DMKN: variants seen among roughly 807,000 people sequenced by gnomAD.
DMKN encodes dermokine, also known as epidermis-specific secreted protein SK30/SK89.
In DMKN, 58 loss-of-function variants were observed where a neutral mutation model predicts 67.6. The ratio of observed to expected loss-of-function variants is 0.86; its 90% CI spans 0.69 to 1.07. The LOEUF (loss-of-function observed/expected upper bound fraction) is 1.07, where lower values mean the gene tolerates loss of function less well. DMKN is among the 50% of genes least tolerant of loss of function. The probability of loss-of-function intolerance (pLI) is 0.00; values close to 1 mark genes in which losing one functional copy is unlikely to be tolerated. For synonymous variants in DMKN, 240 were observed against 232.3 expected (o/e 1.03, Z -0.30); for missense variants, 596 against 601.5 (o/e 0.99, Z 0.10).
chr19:35,505,726 T>A lies in DMKN; in HGVS notation c.1126A>T (p.Ile376Leu), dbSNP rs2069345187. The A allele has an allele frequency of 6.2e-7, 1 of 1,614,100 alleles. No homozygotes were observed. Among genetic ancestry groups the A allele is most frequent in the Admixed American group, 1.7e-5 (1 of 60,000 alleles). Residue 376 changes from isoleucine to leucine, a missense_variant, in exon 9 of 16, where the codon ATA becomes TTA. By Grantham distance (5) the Ile-to-Leu change is conservative (BLOSUM62 2). Transcript: ENST00000339686. ...AGATGTCCAGCCCTTACCTTGTTTA[T>A]GGCATCCCAGTTGATGAAACCCAGC... ...SKLGFINWDA[I>L]NKNQVPPPST...
intron 11 of DMKN, among the ~76,000 whole-genome samples, chr19:35,500,944 C>T (rs904915865): frequency 1.1e-4 from 17 of 152,216 alleles, no homozygotes; most frequent in Admixed American, 2.0e-4. Flanking sequence ...CTGCTATGCC[C>T]GTAGGCCCTT....
chr19:35,502,724 G>A (rs2068636586), intron 10 of DMKN, 106 bp downstream of exon 10: 1 of 1,182,308 alleles, frequency 8.5e-7, no homozygotes, highest in South Asian at 1.3e-5. Context: ...AAGGGGGGGA[G>A]TTTTGAAACA....
intron 11 of DMKN, 40 bp from the exon 12 acceptor site, chr19:35,500,620 C>T (rs540294566): frequency 4.8e-5 from 76 of 1,583,888 alleles, no homozygotes; most frequent in Admixed American, 1.0e-4. Context: ...CCTCCGCAGT[C>T]GTGCGGGCAT....
intron 13 of DMKN, among the ~76,000 whole-genome samples, chr19:35,499,528 GC>G (rs147556208): frequency 0.018 from 2,686 of 152,116 alleles, 37 homozygotes; most frequent in Non-Finnish European, 0.026. Flanking sequence ...GCATCCACAG[GC>G]CGGCCTCCCC....
intron 9 of DMKN, chr19:35,503,464 GTTT>G: frequency 6.9e-7 from 1 of 1,458,516 alleles, no homozygotes; most frequent in East Asian, 2.6e-5. Context: ...AAAGAAACAG[GTTT>G]TTTTTTGTTT....
At chr19:35,502,020 CA>C in intron 11 of DMKN, 115 bp downstream of exon 11, 1 of 1,589,204 alleles carries the variant, frequency 6.3e-7, no homozygotes, top group Admixed American at 1.7e-5. Flanking sequence ...CGGGATTGCA[CA>C]AAGCCTGGGA....
intron 13 of DMKN, 117 bp downstream of exon 13, chr19:35,499,839 CAA>C: frequency 9.2e-7 from 1 of 1,081,560 alleles, no homozygotes; most frequent in Non-Finnish European, 1.4e-6. Flanking sequence ...GGCCTGGACT[CAA>C]AGAGAGCGGG....
chr19:35,510,290 G>A (rs758539717), intron 5 of DMKN, 38 bp from the exon 6 acceptor site: 4 of 1,570,284 alleles, frequency 2.5e-6, no homozygotes, highest in Non-Finnish European at 3.5e-6. Context: ...CTGTCCTAAA[G>A]GACCTAAAGG....
chr19:35,512,116 G>A (rs1226675035), intron 3 of DMKN, among the ~76,000 whole-genome samples: 3 of 149,128 alleles, frequency 2.0e-5, no homozygotes, highest in Non-Finnish European at 3.0e-5. Flanking sequence ...TCCTGCCTCC[G>A]CCTCCCAAGT....
rs142706808 is a variant in DMKN at position 35,510,619 on chromosome 19, G to C, written c.919-367C>G. 5.5e-3 allele frequency: 7,895 copies of C among 1,423,240 alleles called. 35 individuals carry two copies. Among genetic ancestry groups the C allele is most frequent in the Non-Finnish European group, 6.0e-3 (6,502 of 1,079,302 alleles). 88.2% of individuals were successfully genotyped at this position (1,423,240 alleles called of 1,614,324 possible). A position where few individuals can be genotyped will look rare whatever the true frequency, so the allele number is the denominator to read the frequency against. On this transcript the variant is annotated intron_variant, in intron 5 of 15. Transcript: ENST00000339686. ...ACCTGGGAGCGGCCGTAGCTGCCTT[G>C]GTCACCATTCCCAGAACTGCCCTAG...
rs146087594 is a variant in DMKN at position 35,512,278 on chromosome 19, G to A, written c.684+143C>T. The A allele has an allele frequency of 0.011, 12,364 of 1,158,592 alleles. 1,048 individuals are homozygous for A. In the African/African-American group the frequency reaches 0.17, roughly 16 times the overall value. 71.8% of individuals were successfully genotyped at this position (1,158,592 alleles called of 1,614,324 possible). On this transcript the variant is annotated intron_variant, in intron 3 of 15. Coordinates refer to ENST00000339686, the MANE Select transcript of DMKN (RefSeq NM_033317.5). ...CTCCCAAAGTGCTGGGATTACAGGT[G>A]TGAGCCACCTCGCCCAGCCCCATCT...
intron 9 of DMKN, among the ~76,000 whole-genome samples, chr19:35,504,836 G>A (rs1465420407): frequency 6.6e-6 from 1 of 151,830 alleles, no homozygotes; most frequent in African/African-American, 2.4e-5. Flanking sequence ...GGCCACTAGG[G>A]AGTGACCCCC....
chr19:35,500,355 C>A lies in DMKN; in HGVS notation c.1287+178G>T. On this transcript the variant is annotated intron_variant, in intron 12 of 15. Coordinates refer to ENST00000339686, the MANE Select transcript of DMKN (RefSeq NM_033317.5). ...AAAGAAGTGCCAGGACGTAACCCAGCGGGTCCATGGTAGATGTCTCACCTT... is the reference window on the plus strand; with the variant it reads ...AAAGAAGTGCCAGGACGTAACCCAGAGGGTCCATGGTAGATGTCTCACCTT... The A allele has an allele frequency of 1.9e-6, 3 of 1,550,186 alleles. No individual in the cohort carries two copies. In the African/African-American group the frequency reaches 4.1e-5, roughly 21 times the overall value.
chr19:35,509,874 G>C (rs771796684), intron 7 of DMKN, 37 bp downstream of exon 7: 1 of 1,611,866 alleles, frequency 6.2e-7, no homozygotes, highest in South Asian at 1.1e-5. Flanking sequence ...GGCAGGAACT[G>C]CAGTCCCCAG....
At chr19:35,505,473 A>G (rs1268110173) in intron 9 of DMKN, among the ~76,000 whole-genome samples, 1 of 152,158 alleles carries the variant, frequency 6.6e-6, no homozygotes, top group Non-Finnish European at 1.5e-5. Flanking sequence ...GCTCGGGTCT[A>G]TATGCTGAAA....
intron 12 of DMKN, 23 bp from the exon 13 acceptor site, chr19:35,500,052 G>C: frequency 6.2e-7 from 1 of 1,613,854 alleles, no homozygotes. Context: ...TGGGCATGGC[G>C]GTTAGAACAG....
chr19:35,510,030 A>G, intron 6 of DMKN, 69 bp from the exon 7 acceptor site: 2 of 1,605,000 alleles, frequency 1.2e-6, no homozygotes, highest in Non-Finnish European at 1.7e-6. Context: ...CCAAAATGGC[A>G]GCATTTTAAC....
chr19:35,500,631 T>C, intron 11 of DMKN, 51 bp from the exon 12 acceptor site: 1 of 1,565,300 alleles, frequency 6.4e-7, no homozygotes. Context: ...GTGCGGGCAT[T>C]GCCGGGCTTT....
At chr19:35,503,920 G>A (rs574255435) in intron 9 of DMKN, among the ~76,000 whole-genome samples, 58 of 152,194 alleles carry the variant, frequency 3.8e-4, no homozygotes, top group African/African-American at 1.3e-3. Flanking sequence ...AGATATCCTG[G>A]CTTGGGCTTA....
Sources: gnomAD v4.1 joint callset for allele counts (sites outside exome capture counted in the v4.1 genomes callset) on GRCh38, gnomAD v4.1.1 for gene constraint, MANE v1.5 for transcripts, NCBI Gene and HGNC (gene_info 2026-07-23, HGNC 2026-07-21) for gene names.